RBM26: variants seen among roughly 807,000 people sequenced by gnomAD.
RBM26 encodes the protein RNA binding motif protein 26.
Under a neutral mutation model 123.6 loss-of-function variants are expected in RBM26, and 30 were observed. That is an observed-to-expected ratio of 0.24 (90% CI 0.18 to 0.33). The LOEUF (loss-of-function observed/expected upper bound fraction) is 0.33, where lower values mean the gene tolerates loss of function less well. Ranked by LOEUF, RBM26 falls within the 10% of genes least tolerant of loss-of-function variation. RBM26 has a pLI of 1.00. For missense variants in RBM26, 947 were observed against 1,203.6 expected (o/e 0.79, Z 3.15); for synonymous variants, 400 against 404.4 (o/e 0.99, Z 0.13).
At chr13:79,324,867 T>C (rs1015266953) in intron 20 of RBM26, among the ~76,000 whole-genome samples, 4 of 152,022 alleles carry the variant, frequency 2.6e-5, no homozygotes, top group African/African-American at 7.2e-5. Flanking sequence ...AGCTAGTCAA[T>C]TGCCCCAACA....
chr13:79,331,125 C>A (rs2069246999), intron 20 of RBM26, among the ~76,000 whole-genome samples: 1 of 152,128 alleles, frequency 6.6e-6, no homozygotes, highest in African/African-American at 2.4e-5. Context: ...ATCCTCCCAC[C>A]TTAGCCTCGC....
chr13:79,359,819 T>A (rs1272933235), intron 9 of RBM26, 133 bp from the exon 10 acceptor site: 3 of 198,986 alleles, frequency 1.5e-5, no homozygotes, highest in Admixed American at 1.2e-4. Context: ...ATTTTTTTTT[T>A]AGAAGAAATA....
intron 1 of RBM26, among the ~76,000 whole-genome samples, chr13:79,389,191 T>C (rs971791381): frequency 2.8e-4 from 43 of 152,136 alleles, no homozygotes; most frequent in African/African-American, 1.0e-3. Flanking sequence ...AAATGGCTCT[T>C]TGAAACAAAA....
At chr13:79,342,027 G>T (rs1033316149) in intron 17 of RBM26, among the ~76,000 whole-genome samples, 6 of 151,892 alleles carry the variant, frequency 4.0e-5, no homozygotes, top group African/African-American at 1.4e-4. Flanking sequence ...TACTTTGAAC[G>T]TATTATAGCA....
At chr13:79,317,820 AGAT>A (rs2067286949), downstream of RBM26, among the ~76,000 whole-genome samples, 1 of 151,692 alleles carries the variant, frequency 6.6e-6, no homozygotes, top group Non-Finnish European at 1.5e-5. Flanking sequence ...GATCTTCAAG[AGAT>A]TTTTGGAAAA....
At chr13:79,357,102 CAT>C (rs1177492644) in intron 11 of RBM26, among the ~76,000 whole-genome samples, 1 of 152,048 alleles carries the variant, frequency 6.6e-6, no homozygotes, top group Non-Finnish European at 1.5e-5. Flanking sequence ...TAAAATAACA[CAT>C]GATAAACTGT....
At chr13:79,316,028 T>C (rs1255342524), downstream of RBM26, among the ~76,000 whole-genome samples, 1 of 151,884 alleles carries the variant, frequency 6.6e-6, no homozygotes, top group East Asian at 1.9e-4. Flanking sequence ...ACAAATATTG[T>C]ACACTAGAAA....
intron 20 of RBM26, among the ~76,000 whole-genome samples, chr13:79,324,236 G>C (rs146952297): frequency 6.6e-6 from 1 of 151,652 alleles, no homozygotes; most frequent in African/African-American, 2.4e-5. Flanking sequence ...AAATATGTAT[G>C]GTATGTATAC....
intron 18 of RBM26, among the ~76,000 whole-genome samples, chr13:79,338,131 G>A (rs537397625): frequency 4.6e-5 from 7 of 152,274 alleles, no homozygotes; most frequent in African/African-American, 1.7e-4. Flanking sequence ...AGAATCACTT[G>A]AACCTGGGAG....
chr13:79,396,938 G>C (rs1594748711), intron 1 of RBM26, among the ~76,000 whole-genome samples: 1 of 152,316 alleles, frequency 6.6e-6, no homozygotes, highest in East Asian at 1.9e-4. Flanking sequence ...TCCTAGCACT[G>C]GGAGGCTGAG....
Position 79,366,215 on chromosome 13 carries a change from A to C in RBM26, c.1136-20T>G, listed in dbSNP as rs1427632384. ...GTGGTCCTGTCAAAACCAAAGAATA[A>C]GAAATATCATCTGAAAGCAAACAAA... On this transcript the variant is annotated intron_variant, in intron 7 of 21. Coordinates refer to ENST00000438737, the MANE Select transcript of RBM26 (RefSeq NM_001366735.2). 1 of 1,603,074 alleles carries C rather than the reference A, an allele frequency of 6.2e-7. No homozygotes were observed. Among genetic ancestry groups the C allele is most frequent in the East Asian group, 2.2e-5 (1 of 44,744 alleles).
intron 1 of RBM26, among the ~76,000 whole-genome samples, chr13:79,402,098 T>G (rs1481958543): frequency 1.3e-5 from 2 of 151,594 alleles, no homozygotes; most frequent in African/African-American, 4.8e-5. Flanking sequence ...GTGTTTTCTG[T>G]TTTTTTTGTT....
intron 17 of RBM26, among the ~76,000 whole-genome samples, chr13:79,342,306 T>TA (rs1222272340): frequency 6.6e-6 from 1 of 151,838 alleles, no homozygotes; most frequent in Non-Finnish European, 1.5e-5. Context: ...ATCCACCGTG[T>TA]ACGGTGTTGT....
intron 1 of RBM26, among the ~76,000 whole-genome samples, chr13:79,402,393 C>T (rs145034613): frequency 6.7e-6 from 1 of 149,694 alleles, no homozygotes; most frequent in Non-Finnish European, 1.5e-5. Context: ...ACAGTAAATA[C>T]AGATATGCAG....
Position 79,320,532 on chromosome 13 carries a change from T to G in RBM26, c.*89A>C. The G allele has an allele frequency of 7.7e-7, 1 of 1,290,506 alleles. No individual in the cohort carries two copies. 79.9% of individuals were successfully genotyped at this position (1,290,506 alleles called of 1,614,324 possible). ...CATCTTCATCACATTTTACCAAAAA[T>G]TGTTTTTACAAATATGTAAAAGTAC... On this transcript the variant is annotated 3_prime_UTR_variant, in exon 22 of 22. Transcript: ENST00000438737.
chr13:79,354,884 A>C (rs2073780641), intron 12 of RBM26, among the ~76,000 whole-genome samples: 1 of 152,174 alleles, frequency 6.6e-6, no homozygotes. Context: ...AAAAGGAGGG[A>C]GAAAGGGGAG....
At chr13:79,326,249 C>T (rs1374933935) in intron 20 of RBM26, among the ~76,000 whole-genome samples, 2 of 152,144 alleles carry the variant, frequency 1.3e-5, no homozygotes, top group Non-Finnish European at 2.9e-5. Flanking sequence ...ATAATTAATG[C>T]AAATAACTTT....
chr13:79,392,182 AATT>A (rs1460722214), intron 1 of RBM26, among the ~76,000 whole-genome samples: 1 of 20,456 alleles, frequency 4.9e-5, no homozygotes, highest in East Asian at 3.8e-3. Flanking sequence ...AATAATACAT[AATT>A]ATTATATAAT....
At chr13:79,343,677 TA>T (rs2071807506) in intron 16 of RBM26, among the ~76,000 whole-genome samples, 1 of 151,880 alleles carries the variant, frequency 6.6e-6, no homozygotes, top group Admixed American at 6.6e-5. Flanking sequence ...ATTAAAAACA[TA>T]AAAAGAAACA....
Sources: allele counts gnomAD v4.1 joint callset (sites outside exome capture counted in the v4.1 genomes callset), GRCh38; gene constraint gnomAD v4.1.1; transcripts MANE v1.5; gene names NCBI Gene and HGNC (gene_info 2026-07-23, HGNC 2026-07-21).